The following CCSER2 variants were observed in gnomAD, a reference collection of about 807,000 sequenced individuals.
CCSER2 encodes coiled-coil serine rich protein 2.
CCSER2 carries 46 observed loss-of-function variants against 92.3 expected under a neutral mutation model. That is an observed-to-expected ratio of 0.50 (90% CI 0.39 to 0.64). The LOEUF (loss-of-function observed/expected upper bound fraction) is 0.64. Ranked by LOEUF, CCSER2 falls within the 30% of genes least tolerant of loss-of-function variation. The probability of loss-of-function intolerance (pLI) is 0.00; values close to 1 mark genes in which losing one functional copy is unlikely to be tolerated. For synonymous variants in CCSER2, 433 were observed against 431.4 expected, an observed-to-expected ratio of 1.00 and a Z score of -0.04; for missense variants, 1,244 against 1,238.9, an observed-to-expected ratio of 1.00 and a Z score of -0.06.
At chr10:84,402,579 G>A (rs554657311) in intron 3 of CCSER2, among the ~76,000 whole-genome samples, 33 of 152,136 alleles carry the variant, frequency 2.2e-4, no homozygotes, top group Non-Finnish European at 3.5e-4. Context: ...AATTGTTGGA[G>A]AAAAGACATT....
intron 3 of CCSER2, among the ~76,000 whole-genome samples, chr10:84,376,978 T>G (rs1846372389): frequency 6.6e-6 from 1 of 152,182 alleles, no homozygotes; most frequent in Non-Finnish European, 1.5e-5. Flanking sequence ...TTAGGATATA[T>G]CCTCTTCTGT....
chr10:84,382,324 A>G (rs1440771668), intron 3 of CCSER2, among the ~76,000 whole-genome samples: 1 of 152,154 alleles, frequency 6.6e-6, no homozygotes, highest in African/African-American at 2.4e-5. Context: ...GTTTCAGACT[A>G]GGATGAATTC....
chr10:84,394,264 T>A (rs1841694724), intron 3 of CCSER2, among the ~76,000 whole-genome samples: 1 of 152,214 alleles, frequency 6.6e-6, no homozygotes, highest in South Asian at 2.1e-4. Context: ...GATAAGGCTG[T>A]CCTTGTCCTT....
intron 3 of CCSER2, among the ~76,000 whole-genome samples, chr10:84,414,872 C>G (rs1313855673): frequency 6.6e-6 from 1 of 151,972 alleles, no homozygotes; most frequent in Non-Finnish European, 1.5e-5. Flanking sequence ...CTAATCTTGT[C>G]TGCTTGTTTT....
At chr10:84,427,138 A>G (rs989157476) in intron 5 of CCSER2, among the ~76,000 whole-genome samples, 5 of 152,106 alleles carry the variant, frequency 3.3e-5, no homozygotes, top group Non-Finnish European at 7.4e-5. Flanking sequence ...GATCATCCAC[A>G]TGAGTGATTC....
chr10:84,516,457 A>G lies in CCSER2; in HGVS notation c.*2190A>G, dbSNP rs368046996. On this transcript the variant is annotated 3_prime_UTR_variant, in exon 10 of 10. Coordinates refer to ENST00000372088, the MANE Select transcript of CCSER2 (RefSeq NM_001284240.2). The stretch of plus-strand genomic sequence containing the variant: ...CATGTTCTATCATTTTGAAGGAGAA[A>G]GAAAACCGTTCTCACATGTTGCAAA... The G allele has an allele frequency of 6.6e-6, 1 of 152,200 alleles. No individual in the cohort carries two copies. The highest frequency in any genetic ancestry group is 2.4e-5 in the African/African-American group (1 of 41,452). 9.4% of individuals were successfully genotyped at this position (152,200 alleles called of 1,614,324 possible). A position where few individuals can be genotyped will look rare whatever the true frequency, so the allele number is the denominator to read the frequency against.
intron 9 of CCSER2, among the ~76,000 whole-genome samples, chr10:84,512,912 TA>T (rs1336589183): frequency 2.0e-5 from 3 of 152,258 alleles, no homozygotes; most frequent in African/African-American, 7.2e-5. Flanking sequence ...ATTTGTTAAA[TA>T]AATAGAATTT....
At chr10:84,369,009 A>G (rs1013456841) in intron 1 of CCSER2, among the ~76,000 whole-genome samples, 1 of 152,058 alleles carries the variant, frequency 6.6e-6, no homozygotes, top group Non-Finnish European at 1.5e-5. Context: ...TTCAAAAGAT[A>G]TTATTTCATT....
intron 9 of CCSER2, among the ~76,000 whole-genome samples, chr10:84,499,017 G>A (rs1429978395): frequency 6.6e-6 from 1 of 152,148 alleles, no homozygotes; most frequent in Admixed American, 6.5e-5. Context: ...CGTAACCAGT[G>A]GCCTACATGT....
chr10:84,398,260 C>T (rs187558557), intron 3 of CCSER2, among the ~76,000 whole-genome samples: 119 of 152,298 alleles, frequency 7.8e-4, no homozygotes, highest in Admixed American at 1.8e-3. Context: ...TTCTGTCTGT[C>T]TTCTGCCTCC....
intron 3 of CCSER2, among the ~76,000 whole-genome samples, chr10:84,403,385 G>C (rs557704797): frequency 4.6e-4 from 70 of 152,244 alleles, no homozygotes; most frequent in African/African-American, 1.7e-3. Flanking sequence ...GCTAAGCAAA[G>C]AGTTCTTTGA....
chr10:84,474,894 T>G (rs1847045518), intron 8 of CCSER2, among the ~76,000 whole-genome samples: 1 of 152,164 alleles, frequency 6.6e-6, no homozygotes, highest in South Asian at 2.1e-4. Flanking sequence ...TAAAAACAGT[T>G]GTAAACTCAA....
intron 4 of CCSER2, among the ~76,000 whole-genome samples, chr10:84,421,007 T>C (rs1161000420): frequency 1.3e-5 from 2 of 151,118 alleles, no homozygotes; most frequent in Non-Finnish European, 2.9e-5. Context: ...CCAGTATCAG[T>C]GGAGTTTTGG....
intron 3 of CCSER2, among the ~76,000 whole-genome samples, chr10:84,399,120 G>A (rs1841987309): frequency 6.6e-6 from 1 of 152,052 alleles, no homozygotes; most frequent in South Asian, 2.1e-4. Flanking sequence ...TAGGCTTTTA[G>A]CATACCCATC....
chr10:84,348,302 A>G (rs1844651462), intron 1 of CCSER2, among the ~76,000 whole-genome samples: 1 of 152,074 alleles, frequency 6.6e-6, no homozygotes, highest in African/African-American at 2.4e-5. Flanking sequence ...AAATACGAAA[A>G]CCAGTCAGGC....
intron 3 of CCSER2, among the ~76,000 whole-genome samples, chr10:84,379,062 C>T (rs1225392006): frequency 6.6e-6 from 1 of 152,100 alleles, no homozygotes; most frequent in African/African-American, 2.4e-5. Context: ...GTGCTTATTC[C>T]TTAGGTATGT....
At chr10:84,419,421 A>C (rs758058829) in intron 4 of CCSER2, among the ~76,000 whole-genome samples, 1 of 152,138 alleles carries the variant, frequency 6.6e-6, no homozygotes, top group Non-Finnish European at 1.5e-5. Flanking sequence ...AACTATCTTC[A>C]TTCACAGAGG....
chr10:84,405,776 T>C (rs1289754615), intron 3 of CCSER2, among the ~76,000 whole-genome samples: 1 of 152,152 alleles, frequency 6.6e-6, no homozygotes, highest in African/African-American at 2.4e-5. Flanking sequence ...AGAGCTAAAA[T>C]AAAGATTACT....
In CCSER2 at chr10:84,377,476, T is replaced by C. The variant is rs192699027; in HGVS notation, c.1614+3661T>C. Among the ~76,000 whole-genome samples the C allele has an allele frequency of 1.6e-3, 248 of 152,328 alleles. 1 individual carries two copies. The highest frequency in any genetic ancestry group is 6.7e-3 in the Admixed American group (103 of 15,296). ...ATCAGTGACTGCATATATAAATATT[T>C]CATTGCATAGACAAATATTTCTGTT... On this transcript the variant is annotated intron_variant, in intron 3 of 9. Coordinates refer to ENST00000372088, the MANE Select transcript of CCSER2 (RefSeq NM_001284240.2).
Sources: gnomAD v4.1 joint callset for allele counts (sites outside exome capture counted in the v4.1 genomes callset) on GRCh38, gnomAD v4.1.1 for gene constraint, MANE v1.5 for transcripts, NCBI Gene and HGNC (gene_info 2026-07-23, HGNC 2026-07-21) for gene names.